The following SLC29A4 variants were observed in gnomAD, a reference collection of about 807,000 sequenced individuals.
SLC29A4 encodes the protein solute carrier family 29 member 4, also known as equilibrative nucleoside transporter 4.
Under a neutral mutation model 43.9 loss-of-function variants are expected in SLC29A4, and 36 were observed. The ratio of observed to expected loss-of-function variants is 0.82; its 90% CI spans 0.63 to 1.08. The LOEUF (loss-of-function observed/expected upper bound fraction) is 1.08. Ranked by LOEUF, SLC29A4 falls within the 50% of genes least tolerant of loss-of-function variation. The pLI, the probability that SLC29A4 is intolerant of heterozygous loss-of-function variation, is 0.00. For synonymous variants in SLC29A4, 491 were observed against 338.0 expected (o/e 1.45, Z -4.97); for missense variants, 869 against 755.3 (o/e 1.15, Z -1.77).
In SLC29A4 at chr7:5,299,260, G is replaced by T. The variant is rs370235014; in HGVS notation, c.1042G>T (p.Val348Leu). Residue 348 changes from valine to leucine, a missense_variant, in exon 9 of 11, where the codon GTG becomes TTG. Val to Leu is a conservative substitution (Grantham distance 32). Transcript: ENST00000396872. ...TCCAGCCCTGTTACTGCACCGCTAC[G>T]TGGTGGCGCGGGTGATCTGGGCCGA... ...TFRALLLHRY[V>L]VARVIWADML... is the part of the protein sequence containing the mutation. 4 of 1,612,236 alleles carry T rather than the reference G, an allele frequency of 2.5e-6. No homozygotes were observed. The highest frequency in any genetic ancestry group is 3.3e-5 in the Admixed American group (2 of 60,022).
chr7:5,302,498 G>A (rs892569115), intron 10 of SLC29A4, among the ~76,000 whole-genome samples: 9 of 152,172 alleles, frequency 5.9e-5, no homozygotes, highest in Non-Finnish European at 1.2e-4. Context: ...AGCTATGGTT[G>A]TACCACTGCA....
At chr7:5,292,346 C>T (rs28497614) in intron 5 of SLC29A4, among the ~76,000 whole-genome samples, 3,656 of 152,166 alleles carry the variant, frequency 0.024, 151 homozygotes, top group African/African-American at 0.084. Context: ...ACTCTTAGCC[C>T]CAAGCAATCC....
intron 5 of SLC29A4, 63 bp from the exon 6 acceptor site, chr7:5,294,797 A>G (rs1195475557): frequency 4.5e-6 from 7 of 1,552,620 alleles, no homozygotes; most frequent in Non-Finnish European, 6.2e-6. Flanking sequence ...TCTCTAGTGC[A>G]TTTCTCCCAA....
chr7:5,301,835 G>A (rs1322998906), intron 10 of SLC29A4, among the ~76,000 whole-genome samples: 1 of 152,216 alleles, frequency 6.6e-6, no homozygotes, highest in Non-Finnish European at 1.5e-5. Context: ...AGACTGAGAT[G>A]GGAAGAGGCC....
intron 5 of SLC29A4, among the ~76,000 whole-genome samples, chr7:5,293,297 G>C (rs1022905629): frequency 6.7e-6 from 1 of 148,724 alleles, no homozygotes; most frequent in African/African-American, 2.5e-5. Context: ...TCAGCCTCCC[G>C]AGTAGCTGGG....
At chr7:5,290,956 G>C (rs1785266095) in intron 3 of SLC29A4, 93 bp downstream of exon 3, 1 of 1,547,534 alleles carries the variant, frequency 6.5e-7, no homozygotes, top group Non-Finnish European at 8.7e-7. Context: ...GTCCTACACG[G>C]GGACCTGTTT....
In SLC29A4 at chr7:5,287,503, C is replaced by T. The variant is rs368138971; in HGVS notation, c.-8-306C>T. On this transcript the variant is annotated intron_variant, in intron 1 of 10. Coordinates refer to ENST00000396872, the MANE Select transcript of SLC29A4 (RefSeq NM_153247.4). ...ATGTCCTCTGGATGGATAGAAAGGA[C>T]GGTCCCCCCAGGGGATACAGTCCCG... Among the ~76,000 whole-genome samples, 42 of 152,144 alleles carry T rather than the reference C, an allele frequency of 2.8e-4. 1 individual carries two copies. In the South Asian group the frequency reaches 6.4e-3, roughly 23 times the overall value.
At position 5,300,669 on chromosome 7, in the gene SLC29A4, C is replaced by G. The variant is rs770886464; in HGVS notation, c.1450+7C>G. 6.2e-7 allele frequency: 1 copy of G among 1,605,236 alleles called. No homozygotes were observed. Among genetic ancestry groups the G allele is most frequent in the Non-Finnish European group, 8.5e-7 (1 of 1,178,422 alleles). Reference sequence around the variant, plus strand: ...AAGCAGCGGGAGCTGGCAGGTGAGGCCCGCGGGACGTGGGGGTGGGGGCGT... The same window carrying G: ...AAGCAGCGGGAGCTGGCAGGTGAGGGCCGCGGGACGTGGGGGTGGGGGCGT... On this transcript the variant is annotated splice_region_variant and intron_variant, in intron 10 of 10. Coordinates refer to ENST00000396872, the MANE Select transcript of SLC29A4 (RefSeq NM_153247.4).
chr7:5,291,287 C>T (rs1785295432), intron 4 of SLC29A4, 50 bp downstream of exon 4: 1 of 1,532,072 alleles, frequency 6.5e-7, no homozygotes, highest in East Asian at 2.3e-5. Flanking sequence ...CTTCCACCTG[C>T]CTGGCCGGTC....
At chr7:5,302,574 A>G (rs1486140448) in intron 10 of SLC29A4, among the ~76,000 whole-genome samples, 1 of 152,224 alleles carries the variant, frequency 6.6e-6, no homozygotes, top group Non-Finnish European at 1.5e-5. Context: ...TGGGGGACTC[A>G]GAGAAGGCAG....
At chr7:5,290,999 A>G in intron 3 of SLC29A4, 125 bp from the exon 4 acceptor site, 1 of 1,524,938 alleles carries the variant, frequency 6.6e-7, no homozygotes, top group Non-Finnish European at 8.9e-7. Flanking sequence ...TGAGCTGCTG[A>G]GTGACCTCAG....
rs1341364793 is a variant in SLC29A4, at chr7:5,304,042, A to T, written c.*1103A>T. ...ACTGTACCGCACCGGCCATTAAAAG[A>T]TGAAGGCAGACCGCTGCACCGCCGC... On this transcript the variant is annotated 3_prime_UTR_variant, in exon 11 of 11. Coordinates refer to ENST00000396872, the MANE Select transcript of SLC29A4 (RefSeq NM_153247.4). The T allele has an allele frequency of 6.6e-6, 1 of 152,298 alleles. No individual in the cohort carries two copies. Among genetic ancestry groups the T allele is most frequent in the African/African-American group, 2.4e-5 (1 of 41,460 alleles). The allele number at this position is 152,298 out of a possible 1,614,324, so 9.4% of individuals were successfully genotyped here. A position where few individuals can be genotyped will look rare whatever the true frequency, so the allele number is the denominator to read the frequency against.
intron 10 of SLC29A4, among the ~76,000 whole-genome samples, chr7:5,301,428 G>T (rs4720571): frequency 0.94 from 142,740 of 152,096 alleles, 67,097 homozygotes; most frequent in East Asian, 1. Flanking sequence ...GAGGTGACTT[G>T]TGAGCAAAGA....
In SLC29A4 at chr7:5,288,298, CT is replaced by C. The variant is rs34436127; in HGVS notation, c.169+338del. 5.5e-3 allele frequency among the ~76,000 whole-genome samples: 379 copies of C among 68,706 alleles called. 1 individual carries two copies. Among genetic ancestry groups the C allele is most frequent in the African/African-American group, 0.02 (334 of 16,854 alleles). The allele number at this position is 68,706 out of a possible 152,430, so 45.1% of individuals were successfully genotyped here. On this transcript the variant is annotated intron_variant, in intron 2 of 10. Transcript: ENST00000396872. Reference sequence around the variant, plus strand: ...GCTCATGCGCTGACCCGTACAGCTTCTTTTTTTTTTTTTTTTTTTTTTTTTG... The same window carrying C: ...GCTCATGCGCTGACCCGTACAGCTTCTTTTTTTTTTTTTTTTTTTTTTTTG...
chr7:5,299,080 T>G lies in SLC29A4; in HGVS notation c.975T>G (p.Phe325Leu). ...VTGSGGAYMR[F>L]DVPRPRVQRS... ...GCAGCGGCGGGGCCTACATGCGCTT[T>G]GATGTGCCGCGGCCAAGGGTCCAGC... The change falls in exon 8 of 11, where the codon TTT (phenylalanine) becomes TTG (leucine). Residue 325 changes from phenylalanine to leucine, a missense_variant. By Grantham distance (22) the Phe-to-Leu change is conservative. Coordinates refer to ENST00000396872, the MANE Select transcript of SLC29A4 (RefSeq NM_153247.4). The G allele has an allele frequency of 4.3e-6, 7 of 1,611,026 alleles. No individual in the cohort carries two copies. The highest frequency in any genetic ancestry group is 5.9e-6 in the Non-Finnish European group (7 of 1,179,518).
Position 5,294,942 on chromosome 7 carries a change from T to A in SLC29A4, c.619+8T>A. On this transcript the variant is annotated splice_region_variant and intron_variant, in intron 6 of 10. Coordinates refer to ENST00000396872, the MANE Select transcript of SLC29A4 (RefSeq NM_153247.4). ...GGGTGATGACCGGGGAGAGTGAGTA[T>A]CTGCAGACCCCCCGGGGAGGGGGTG... is the stretch of plus-strand genomic sequence containing the variant. 6.2e-7 allele frequency: 1 copy of A among 1,602,296 alleles called. No homozygotes were observed. The highest frequency in any genetic ancestry group is 2.3e-5 in the East Asian group (1 of 44,024).
intron 1 of SLC29A4, among the ~76,000 whole-genome samples, chr7:5,286,667 C>T (rs1053368492): frequency 1.3e-5 from 2 of 152,124 alleles, no homozygotes; most frequent in African/African-American, 4.8e-5. Context: ...TCAGGGCTGG[C>T]AGATCCAAAT....
chr7:5,291,996 G>T (rs1166847308), intron 5 of SLC29A4, among the ~76,000 whole-genome samples, 175 bp downstream of exon 5: 1 of 152,260 alleles, frequency 6.6e-6, no homozygotes, highest in African/African-American at 2.4e-5. Flanking sequence ...ACAGGAGCCT[G>T]TGTAGTGTGT....
rs912477063 is a variant in SLC29A4 at position 5,284,041 on chromosome 7, C to G, written c.-9+959C>G. ...CAGTCTGAGCTGCACGACCCCCCCC[C>G]CCACCCCCGACTTGGCCTCTCTGTG... On this transcript the variant is annotated intron_variant, in intron 1 of 10. Coordinates refer to ENST00000396872, the MANE Select transcript of SLC29A4 (RefSeq NM_153247.4). Among the ~76,000 whole-genome samples, 43 of 67,678 alleles carry G rather than the reference C, an allele frequency of 6.4e-4. 1 individual carries two copies. In the East Asian group the frequency reaches 9.7e-3, roughly 15 times the overall value. The allele number at this position is 67,678 out of a possible 152,430, so 44.4% of individuals were successfully genotyped here.
Sources: allele counts gnomAD v4.1 joint callset (sites outside exome capture counted in the v4.1 genomes callset), GRCh38; gene constraint gnomAD v4.1.1; transcripts MANE v1.5; gene names NCBI Gene and HGNC (gene_info 2026-07-23, HGNC 2026-07-21).